Variants in LPP observed in about 807,000 individuals in gnomAD.
LPP encodes the protein lipoma-preferred partner.
Under a neutral mutation model 60.4 loss-of-function variants are expected in LPP, and 38 were observed. The observed-to-expected ratio is 0.63, with a 90% CI of 0.49 to 0.83. The LOEUF is 0.83. Ranked by LOEUF, LPP falls within the 40% of genes least tolerant of loss-of-function variation. The pLI, the probability that LPP is intolerant of heterozygous loss-of-function variation, is 0.00. For missense variants in LPP, 902 were observed against 783.6 expected (o/e 1.15, Z -1.80); for synonymous variants, 328 against 290.8 (o/e 1.13, Z -1.30).
chr3:188,799,066 T>A (rs1267806373), intron 9 of LPP, among the ~76,000 whole-genome samples: 1 of 152,250 alleles, frequency 6.6e-6, no homozygotes, highest in Non-Finnish European at 1.5e-5. Flanking sequence ...ATAATAAAAA[T>A]AATCCAGAAT....
intron 6 of LPP, among the ~76,000 whole-genome samples, chr3:188,559,166 G>C (rs1579950262): frequency 6.6e-6 from 1 of 152,024 alleles, no homozygotes; most frequent in South Asian, 2.1e-4. Context: ...AAGCATCCTA[G>C]ACTGGAATTC....
chr3:188,157,040 A>C (rs1278942023), intron 1 of LPP, among the ~76,000 whole-genome samples: 1 of 152,178 alleles, frequency 6.6e-6, no homozygotes, highest in Non-Finnish European at 1.5e-5. Flanking sequence ...TATCACTGAA[A>C]TGTGGTTGTC....
intron 3 of LPP, among the ~76,000 whole-genome samples, chr3:188,373,331 A>T (rs1384042197): frequency 6.6e-6 from 1 of 152,202 alleles, no homozygotes; most frequent in East Asian, 1.9e-4. Context: ...CAAAAGTGTA[A>T]AAGTGTTCCT....
At chr3:188,495,438 G>C (rs1016371299) in intron 5 of LPP, among the ~76,000 whole-genome samples, 5 of 151,754 alleles carry the variant, frequency 3.3e-5, no homozygotes, top group African/African-American at 1.2e-4. Flanking sequence ...GAAGGAACTT[G>C]TTTAGATCTC....
At chr3:188,250,720 TTCTC>T (rs1223629941) in intron 2 of LPP, among the ~76,000 whole-genome samples, 1,908 of 141,964 alleles carry the variant, frequency 0.013, 49 homozygotes, top group African/African-American at 0.047. Flanking sequence ...TTTTCTTTCT[TTCTC>T]TCTTTCTTTC....
intron 2 of LPP, among the ~76,000 whole-genome samples, chr3:188,263,310 C>T (rs978601274): frequency 2.0e-5 from 3 of 152,160 alleles, no homozygotes; most frequent in East Asian, 1.9e-4. Context: ...ATCACTTAAG[C>T]GCTAATCCAT....
At chr3:188,819,275 TG>T (rs1753320469) in intron 9 of LPP, among the ~76,000 whole-genome samples, 1 of 152,128 alleles carries the variant, frequency 6.6e-6, no homozygotes, top group African/African-American at 2.4e-5. Flanking sequence ...ACATAATACC[TG>T]ACAGGAAGTG....
Position 188,882,396 on chromosome 3 carries a change from G to A in LPP, c.*7917G>A. ...TCCAAATAATCAGGCTGAATGGGAA[G>A]AAAAAGGCATAGAGGAAGCCTGAGG... On this transcript the variant is annotated 3_prime_UTR_variant, in exon 12 of 12. Transcript: ENST00000617246. 1 of 226,962 alleles carries A rather than the reference G, an allele frequency of 4.4e-6. No homozygotes were observed. The highest frequency in any genetic ancestry group is 6.3e-5 in the East Asian group (1 of 15,752). The allele number at this position is 226,962 out of a possible 1,614,324, so 14.1% of individuals were successfully genotyped here.
At chr3:188,266,385 A>T (rs895417913) in intron 2 of LPP, among the ~76,000 whole-genome samples, 1 of 152,086 alleles carries the variant, frequency 6.6e-6, no homozygotes, top group Non-Finnish European at 1.5e-5. Flanking sequence ...TTTTAGATGG[A>T]TTGGCCGCAC....
At chr3:188,865,330 C>T (rs1766309089) in intron 9 of LPP, among the ~76,000 whole-genome samples, 4 of 152,132 alleles carry the variant, frequency 2.6e-5, no homozygotes, top group Admixed American at 1.3e-4. Context: ...TCTTAATTCA[C>T]TTTTTCAAAC....
At chr3:188,681,939 A>G (rs999076613) in intron 7 of LPP, among the ~76,000 whole-genome samples, 1 of 152,226 alleles carries the variant, frequency 6.6e-6, no homozygotes, top group Admixed American at 6.5e-5. Context: ...TGTTGTGTTC[A>G]CTGCTGTATC....
chr3:188,703,554 G>A (rs1055032125), intron 7 of LPP, among the ~76,000 whole-genome samples: 5 of 152,156 alleles, frequency 3.3e-5, no homozygotes, highest in Non-Finnish European at 5.9e-5. Context: ...AGTGACAGCC[G>A]TGGAGTGGAG....
At chr3:188,507,073 AG>A (rs34719284) in intron 5 of LPP, among the ~76,000 whole-genome samples, 28,796 of 152,034 alleles carry the variant, frequency 0.19, 3,187 homozygotes, top group East Asian at 0.45. Flanking sequence ...CTGGGATTAC[AG>A]GCATGAGCCA....
At chr3:188,354,306 CTTCTTT>C (rs540612989) in intron 3 of LPP, among the ~76,000 whole-genome samples, 80 of 152,190 alleles carry the variant, frequency 5.3e-4, no homozygotes, top group African/African-American at 1.9e-3. Context: ...AGGTTTCATG[CTTCTTT>C]TTTGTACCTT....
At chr3:188,240,123 T>C (rs1723460763) in intron 2 of LPP, 1 of 191,980 alleles carries the variant, frequency 5.2e-6, no homozygotes, top group Non-Finnish European at 1.1e-5. Context: ...CCTGGGATGA[T>C]GGAGAGACTG....
At chr3:188,787,192 T>A (rs1742199980) in intron 9 of LPP, among the ~76,000 whole-genome samples, 1 of 152,126 alleles carries the variant, frequency 6.6e-6, no homozygotes, top group Admixed American at 6.5e-5. Flanking sequence ...TGTACCATAG[T>A]TTTACAAGGT....
intron 2 of LPP, chr3:188,247,051 T>C (rs1036702614): frequency 8.6e-6 from 2 of 232,216 alleles, no homozygotes; most frequent in Non-Finnish European, 1.4e-5. Context: ...GACATGTTTG[T>C]GTGGAGACCT....
chr3:188,623,782 C>T (rs1413636670), intron 7 of LPP, among the ~76,000 whole-genome samples: 1 of 152,172 alleles, frequency 6.6e-6, no homozygotes. Flanking sequence ...TTATCTTGAG[C>T]AGGACATATA....
chr3:188,164,877 T>C (rs559987844), intron 1 of LPP, among the ~76,000 whole-genome samples: 2 of 152,280 alleles, frequency 1.3e-5, no homozygotes, highest in East Asian at 3.9e-4. Context: ...ATTAGTGATA[T>C]GTTACTCTGG....
Sources: allele counts gnomAD v4.1 joint callset (sites outside exome capture counted in the v4.1 genomes callset), GRCh38; gene constraint gnomAD v4.1.1; transcripts MANE v1.5; gene names NCBI Gene and HGNC (gene_info 2026-07-23, HGNC 2026-07-21).